PIK3CD: variants seen among roughly 807,000 people sequenced by gnomAD.
PIK3CD encodes phosphatidylinositol 4,5-bisphosphate 3-kinase catalytic subunit delta isoform.
Under a neutral mutation model 122.9 loss-of-function variants are expected in PIK3CD, and 20 were observed. That is an observed-to-expected ratio of 0.16 (90% CI 0.11 to 0.24). The LOEUF (loss-of-function observed/expected upper bound fraction) is 0.24. Among genes scored for constraint, PIK3CD ranks in the 10% least tolerant of loss-of-function variants. The pLI is 1.00. For missense variants in PIK3CD, 787 were observed against 1,406.3 expected (o/e 0.56, Z 7.04); for synonymous variants, 596 against 593.4 (o/e 1.00, Z -0.06).
intron 2 of PIK3CD, among the ~76,000 whole-genome samples, chr1:9,701,711 A>G (rs1646639460): frequency 6.6e-6 from 1 of 151,902 alleles, no homozygotes; most frequent in Non-Finnish European, 1.5e-5. Flanking sequence ...ATGAGAGCCA[A>G]TTATGTTCAC....
chr1:9,695,380 C>T (rs941660510), intron 2 of PIK3CD, among the ~76,000 whole-genome samples: 15 of 152,052 alleles, frequency 9.9e-5, no homozygotes, highest in Admixed American at 8.5e-4. Flanking sequence ...TAAACAGTCT[C>T]GAAGTAGTAC....
At chr1:9,651,925 A>C (rs1309280683) in intron 1 of PIK3CD, 123 bp downstream of exon 1, 1 of 152,030 alleles carries the variant, frequency 6.6e-6, no homozygotes, top group Non-Finnish European at 1.5e-5. Flanking sequence ...CGGCACACAC[A>C]GCCCGTGCGC....
intron 1 of PIK3CD, among the ~76,000 whole-genome samples, chr1:9,670,203 A>T (rs1645282965): frequency 6.6e-6 from 1 of 151,310 alleles, no homozygotes; most frequent in South Asian, 2.1e-4. Context: ...AGGAAAGGAG[A>T]TGTACTCCCA....
chr1:9,704,506 C>T lies in PIK3CD; in HGVS notation c.-32-5918C>T, dbSNP rs1377413007. On this transcript the variant is annotated intron_variant, in intron 2 of 23. Transcript: ENST00000377346. The surrounding 1 kb of genome is among the most constrained non-coding windows in gnomAD (Gnocchi z 5.0). ...TCTCCCAAGTTGTTTTTTTGTTTTG[C>T]TTTGTTTTGTTTTGTTTTGTTTTTG... Among the ~76,000 whole-genome samples, 6 of 151,818 alleles carry T rather than the reference C, an allele frequency of 4.0e-5. No individual in the cohort carries two copies. The highest frequency in any genetic ancestry group is 1.2e-4 in the African/African-American group (5 of 41,342).
At chr1:9,698,588 A>G (rs921063743) in intron 2 of PIK3CD, among the ~76,000 whole-genome samples, 1 of 152,254 alleles carries the variant, frequency 6.6e-6, no homozygotes, top group African/African-American at 2.4e-5. Context: ...GAGTTAATGC[A>G]TCATTTAGCC....
the PIK3CD span, among the ~76,000 whole-genome samples, chr1:9,637,457 A>T: frequency 6.6e-6 from 1 of 152,188 alleles, no homozygotes; most frequent in Admixed American, 6.5e-5. Flanking sequence ...TCGAGGCTGC[A>T]CTGAGCCATG....
Position 9,719,005 on chromosome 1 carries a change from G to A in PIK3CD, c.1242+90G>A. The stretch of plus-strand genomic sequence containing the variant: ...CCACTCACCACTCTCCTCCCGGCAA[G>A]CACGCAGCCTGGGGATGGGGGTCCT... On this transcript the variant is annotated intron_variant, in intron 9 of 23. Transcript: ENST00000377346. This position sits in a 1 kb window ranked among gnomAD's most constrained non-coding sequence, Gnocchi z 5.5. 1 of 1,247,494 alleles carries A rather than the reference G, an allele frequency of 8.0e-7. No homozygotes were observed. The highest frequency in any genetic ancestry group is 1.1e-6 in the Non-Finnish European group (1 of 874,648). The allele number at this position is 1,247,494 out of a possible 1,614,324, so 77.3% of individuals were successfully genotyped here.
chr1:9,656,821 T>TA (rs1644869721), intron 1 of PIK3CD, among the ~76,000 whole-genome samples: 1 of 151,784 alleles, frequency 6.6e-6, no homozygotes, highest in Non-Finnish European at 1.5e-5. Flanking sequence ...CACGTGCCTG[T>TA]AGTCCCAGCT....
chr1:9,675,088 T>G (rs1262573034), intron 1 of PIK3CD, among the ~76,000 whole-genome samples: 1 of 149,980 alleles, frequency 6.7e-6, no homozygotes, highest in Non-Finnish European at 1.5e-5. Context: ...ATTAGCCTTA[T>G]GACAACCCTG....
chr1:9,684,677 A>G (rs1380352230), intron 1 of PIK3CD, among the ~76,000 whole-genome samples: 1 of 151,836 alleles, frequency 6.6e-6, no homozygotes, highest in Non-Finnish European at 1.5e-5. Context: ...CAACATAGCA[A>G]GACCTCAAGA....
chr1:9,698,565 A>G (rs550973880), intron 2 of PIK3CD, among the ~76,000 whole-genome samples: 2 of 152,346 alleles, frequency 1.3e-5, no homozygotes, highest in African/African-American at 4.8e-5. Context: ...TGATGACTGC[A>G]TTCAGTTTCA....
Position 9,722,390 on chromosome 1 carries a change from C to A in PIK3CD, c.2347+34C>A, listed in dbSNP as rs749760353. The A allele has an allele frequency of 1.9e-6, 3 of 1,582,090 alleles. No individual in the cohort carries two copies. In the East Asian group the frequency reaches 6.8e-5, roughly 36 times the overall value. The stretch of plus-strand genomic sequence containing the variant: ...CTGGCCTCCCCACACCCCGCCTGTA[C>A]TGCCCTGGGGGGTCCTGGGGTGCTC... On this transcript the variant is annotated intron_variant, in intron 18 of 23. Transcript: ENST00000377346. The surrounding 1 kb of genome is among the most constrained non-coding windows in gnomAD (Gnocchi z 7.6).
rs1029813338 is a variant in PIK3CD, at chr1:9,697,738, C to CA, written c.-33+6176dup. Among the ~76,000 whole-genome samples, 54 of 149,456 alleles carry CA rather than the reference C, an allele frequency of 3.6e-4. 1 individual carries two copies. Among genetic ancestry groups the CA allele is most frequent in the Admixed American group, 3.2e-3 (48 of 15,026 alleles). On this transcript the variant is annotated intron_variant, in intron 2 of 23. Transcript: ENST00000377346. ...ACAAAGTGAGACCCTGTCTCTAAAA[C>CA]AAAAAAAAAGTGCTGAGCGCGGTGG...
At chr1:9,706,530 T>A (rs189238557) in intron 2 of PIK3CD, among the ~76,000 whole-genome samples, 1 of 152,260 alleles carries the variant, frequency 6.6e-6, no homozygotes, top group East Asian at 1.9e-4. Context: ...TCTGTGAACC[T>A]ACTTTTCACC....
chr1:9,664,074 G>T, intron 1 of PIK3CD, among the ~76,000 whole-genome samples: 1 of 133,776 alleles, frequency 7.5e-6, no homozygotes, highest in African/African-American at 2.8e-5. Context: ...TTTTGAGACG[G>T]AGTCTCACTC....
chr1:9,658,437 G>A (rs1330122946), intron 1 of PIK3CD, among the ~76,000 whole-genome samples: 2 of 150,886 alleles, frequency 1.3e-5, no homozygotes, highest in Non-Finnish European at 2.9e-5. Flanking sequence ...GGGGCTGGGT[G>A]AGGTGGTGGT....
chr1:9,683,196 T>C (rs1645832942), intron 1 of PIK3CD, among the ~76,000 whole-genome samples: 2 of 150,414 alleles, frequency 1.3e-5, no homozygotes, highest in East Asian at 3.9e-4. Flanking sequence ...CCCAGCACTT[T>C]GGGAGGCAGA....
chr1:9,667,411 CTG>C (rs1645192087), intron 1 of PIK3CD, among the ~76,000 whole-genome samples: 1 of 150,904 alleles, frequency 6.6e-6, no homozygotes. Context: ...GAGGCTCACT[CTG>C]TGGTCCAGGC....
At chr1:9,716,241 G>C in intron 5 of PIK3CD, 163 bp downstream of exon 5, 1 of 825,322 alleles carries the variant, frequency 1.2e-6, no homozygotes, top group Non-Finnish European at 2.0e-6. Context: ...CGTCCCCCCA[G>C]GCAAGCTCAA....
Sources: allele counts gnomAD v4.1 joint callset (sites outside exome capture counted in the v4.1 genomes callset), GRCh38; gene constraint gnomAD v4.1.1; non-coding constraint Gnocchi (gnomAD v3.1); transcripts MANE v1.5; gene names NCBI Gene and HGNC (gene_info 2026-07-23, HGNC 2026-07-21).